The following ITPR2 variants were observed in gnomAD, a reference collection of about 807,000 sequenced individuals.
ITPR2 encodes inositol 1,4,5-trisphosphate receptor type 2.
ITPR2 carries 207 observed loss-of-function variants against 317.1 expected under a neutral mutation model. That is an observed-to-expected ratio of 0.65 (90% CI 0.58 to 0.73). The LOEUF (loss-of-function observed/expected upper bound fraction) is 0.73. Ranked by LOEUF, ITPR2 falls within the 30% of genes least tolerant of loss-of-function variation. The probability of loss-of-function intolerance (pLI) is 0.00; values close to 1 mark genes in which losing one functional copy is unlikely to be tolerated. For missense variants in ITPR2, 2,613 were observed against 3,284.0 expected, an observed-to-expected ratio of 0.80 and a Z score of 4.99; for synonymous variants, 1,156 against 1,149.1, an observed-to-expected ratio of 1.01 and a Z score of -0.12.
chr12:26,816,784 G>A (rs1950862616), intron 1 of ITPR2, among the ~76,000 whole-genome samples: 1 of 152,174 alleles, frequency 6.6e-6, no homozygotes, highest in South Asian at 2.1e-4. Flanking sequence ...CTATAGATGA[G>A]TCAGAAAGCT....
intron 22 of ITPR2, among the ~76,000 whole-genome samples, chr12:26,629,949 GAA>G (rs1230709846): frequency 2.6e-5 from 4 of 152,148 alleles, no homozygotes; most frequent in Non-Finnish European, 5.9e-5. Context: ...GTCTAGAGGG[GAA>G]AACAAACACC....
At chr12:26,478,863 T>C (rs996272312) in intron 43 of ITPR2, among the ~76,000 whole-genome samples, 3 of 152,036 alleles carry the variant, frequency 2.0e-5, no homozygotes, top group African/African-American at 7.2e-5. Flanking sequence ...AGTAATAGAA[T>C]CTCATACTAA....
chr12:26,614,593 A>G (rs1946335728), intron 26 of ITPR2, among the ~76,000 whole-genome samples: 1 of 152,268 alleles, frequency 6.6e-6, no homozygotes, highest in African/African-American at 2.4e-5. Context: ...GTGAATGGAT[A>G]AACAATACAA....
chr12:26,523,228 A>T (rs1180986656), intron 37 of ITPR2, among the ~76,000 whole-genome samples: 1 of 152,004 alleles, frequency 6.6e-6, no homozygotes, highest in African/African-American at 2.4e-5. Context: ...CTCTTTTCGT[A>T]AAAAGATAAC....
At chr12:26,436,783 T>C (rs1441886936) in intron 47 of ITPR2, among the ~76,000 whole-genome samples, 1 of 152,096 alleles carries the variant, frequency 6.6e-6, no homozygotes, top group Middle Eastern at 3.2e-3. Flanking sequence ...CTCAAACCCA[T>C]AGCACAGATA....
intron 2 of ITPR2, among the ~76,000 whole-genome samples, chr12:26,746,808 T>C (rs1403009642): frequency 7.0e-6 from 1 of 143,500 alleles, no homozygotes; most frequent in African/African-American, 2.5e-5. Context: ...TGTTCTCTTA[T>C]CAGGGGTGCA....
At chr12:26,465,060 T>C (rs1295169348) in intron 45 of ITPR2, among the ~76,000 whole-genome samples, 1 of 152,168 alleles carries the variant, frequency 6.6e-6, no homozygotes. Flanking sequence ...ATGGTACAGC[T>C]GGTGTTTAAA....
At chr12:26,736,491 C>G (rs1267871040) in intron 2 of ITPR2, among the ~76,000 whole-genome samples, 1 of 152,076 alleles carries the variant, frequency 6.6e-6, no homozygotes, top group Non-Finnish European at 1.5e-5. Context: ...GAGAGGAGCA[C>G]CAAGGCTATT....
intron 2 of ITPR2, among the ~76,000 whole-genome samples, chr12:26,742,527 T>C (rs1949249061): frequency 6.6e-6 from 1 of 152,156 alleles, no homozygotes; most frequent in Admixed American, 6.6e-5. Context: ...TAAAAAGGAA[T>C]GATGTGGCCA....
intron 21 of ITPR2, among the ~76,000 whole-genome samples, chr12:26,640,027 C>T (rs1348618199): frequency 1.3e-5 from 2 of 152,094 alleles, no homozygotes; most frequent in African/African-American, 4.8e-5. Flanking sequence ...TGCCAGCATT[C>T]GATAAGTTTG....
At chr12:26,455,301 T>C (rs1383028879) in intron 45 of ITPR2, among the ~76,000 whole-genome samples, 1 of 135,980 alleles carries the variant, frequency 7.4e-6, no homozygotes, top group Non-Finnish European at 1.5e-5. Flanking sequence ...CTAAGAAATA[T>C]GCCATTGCTG....
chr12:26,727,259 T>C (rs1326761067), intron 2 of ITPR2, among the ~76,000 whole-genome samples: 1 of 152,202 alleles, frequency 6.6e-6, no homozygotes, highest in Admixed American at 6.5e-5. Flanking sequence ...GATATTTCCA[T>C]AAGAGTGCTC....
chr12:26,459,567 G>C (rs61914408), intron 45 of ITPR2, among the ~76,000 whole-genome samples: 14,399 of 152,244 alleles, frequency 0.095, 947 homozygotes, highest in Non-Finnish European at 0.15. Flanking sequence ...TTGAGTTCTT[G>C]AGGGCCTTTG....
rs1491173931 is a variant in ITPR2 at position 26,391,555 on chromosome 12, C to CTTTTTTTTTTTTTTTTTTTT, written c.7697-3962_7697-3961insAAAAAAAAAAAAAAAAAAAA. ...AGCTTCTTCTTCTTCTTCTTCTTTT[C>CTTTTTTTTTTTTTTTTTTTT]CTTTTTTTTTTTTTTTTTTTTTTTT... On this transcript the variant is annotated intron_variant, in intron 54 of 56. Transcript: ENST00000381340. Among the ~76,000 whole-genome samples the CTTTTTTTTTTTTTTTTTTTT allele has an allele frequency of 7.9e-4, 56 of 70,856 alleles. 11 individuals carry two copies. Among genetic ancestry groups the CTTTTTTTTTTTTTTTTTTTT allele is most frequent in the Non-Finnish European group, 8.5e-4 (33 of 38,654 alleles). The allele number at this position is 70,856 out of a possible 152,430, so 46.5% of individuals were successfully genotyped here.
chr12:26,713,483 C>T (rs916614076), intron 8 of ITPR2, among the ~76,000 whole-genome samples: 1 of 152,098 alleles, frequency 6.6e-6, no homozygotes, highest in Non-Finnish European at 1.5e-5. Context: ...CGGTGAGGGA[C>T]GTTTAAATGA....
At chr12:26,605,122 T>TAAAA (rs1365014811) in intron 26 of ITPR2, among the ~76,000 whole-genome samples, 5 of 81,960 alleles carry the variant, frequency 6.1e-5, no homozygotes, top group African/African-American at 2.3e-4. Flanking sequence ...AAATAAAAAA[T>TAAAA]AAAAATATAT....
Position 26,671,134 on chromosome 12 carries a change from T to C in ITPR2, c.1410-5083A>G, listed in dbSNP as rs561446375. ...AGTTGGAAAACACTCTGCAGGATAT[T>C]ATCCAGGAGAACTTCCCCAATCTAG... On this transcript the variant is annotated intron_variant, in intron 13 of 56. Transcript: ENST00000381340. Among the ~76,000 whole-genome samples the C allele has an allele frequency of 4.6e-5, 7 of 152,250 alleles. No individual in the cohort carries two copies. The East Asian group carries it at 1.4e-3, about 29-fold the overall frequency.
In ITPR2 at chr12:26,493,478, A is replaced by G. The variant is rs372644541; in HGVS notation, c.5370+675T>C. Among the ~76,000 whole-genome samples the G allele has an allele frequency of 5.9e-5, 9 of 152,314 alleles. 1 individual carries two copies. The highest frequency in any genetic ancestry group is 2.2e-4 in the African/African-American group (9 of 41,582). On this transcript the variant is annotated intron_variant, in intron 39 of 56. Transcript: ENST00000381340. ...GCAAAACAGACAGCTACATAGGAGG[A>G]ATAAATTCCTGTGTTCTAATCCTCA...
chr12:26,673,057 T>C (rs1947823221), intron 13 of ITPR2, among the ~76,000 whole-genome samples: 1 of 152,120 alleles, frequency 6.6e-6, no homozygotes, highest in Non-Finnish European at 1.5e-5. Context: ...AATCAATAGC[T>C]TACCAACCAA....
Sources: allele counts gnomAD v4.1 joint callset (sites outside exome capture counted in the v4.1 genomes callset), GRCh38; gene constraint gnomAD v4.1.1; transcripts MANE v1.5; gene names NCBI Gene and HGNC (gene_info 2026-07-23, HGNC 2026-07-21).